Variants in SPATA20 observed in about 807,000 individuals in gnomAD.
SPATA20 encodes the protein spermatogenesis associated 20.
In SPATA20, 74 loss-of-function variants were observed where a neutral mutation model predicts 98.9. That is an observed-to-expected ratio of 0.75 (90% CI 0.62 to 0.91). The LOEUF is 0.91. SPATA20 is among the 40% of genes least tolerant of loss of function. The pLI, the probability that SPATA20 is intolerant of heterozygous loss-of-function variation, is 0.00. For synonymous variants in SPATA20, 430 were observed against 440.5 expected, an observed-to-expected ratio of 0.98 and a Z score of 0.30; for missense variants, 1,016 against 1,069.8, an observed-to-expected ratio of 0.95 and a Z score of 0.70.
chr17:50,550,877 A>C lies in SPATA20; in HGVS notation c.1343A>C (p.His448Pro). The change falls in exon 11 of 17, where the codon CAC becomes CCC. Residue 448 changes from histidine to proline, a missense_variant. Physicochemically the swap from His to Pro is moderately conservative, Grantham distance 77 (BLOSUM62 -2). Transcript: ENST00000006658. ...ACCTCAGGCCAGCTCCTCATGAAGC[A>C]CTACGGCCTCACAGAGGCTGGTAAC... ...PLTSGQLLMK[H>P]YGLTEAGNIS... 8 of 1,613,116 alleles carry C rather than the reference A, an allele frequency of 5.0e-6. No homozygotes were observed. The African/African-American group carries it at 5.3e-5, about 11-fold the overall frequency.
At position 50,550,728 on chromosome 17, in the gene SPATA20, A is replaced by G; in HGVS notation, c.1194A>G (p.Ala398=). 2 of 1,613,290 alleles carry G rather than the reference A, an allele frequency of 1.2e-6. No individual in the cohort carries two copies. The change falls in exon 11 of 17, where the codon GCA becomes GCG. Residue 398 remains alanine (A), a synonymous_variant. Coordinates refer to ENST00000006658, the MANE Select transcript of SPATA20 (RefSeq NM_022827.4). The stretch of plus-strand genomic sequence containing the variant: ...CACAGTCCGGAGGCTTCTATAGCGC[A>G]GAAGATGCAGACTCGCCCCCAGAGC... ...LSHRSGGFYS[A]EDADSPPERG... is the part of the protein sequence containing the mutation.
At chr17:50,551,242 A>G (rs565764086) in intron 12 of SPATA20, 52 bp downstream of exon 12, 2 of 1,502,586 alleles carry the variant, frequency 1.3e-6, no homozygotes, top group East Asian at 4.6e-5. Context: ...CCCTTCACAA[A>G]GCCCCTGTCT....
Position 50,550,882 on chromosome 17 carries a change from G to A in SPATA20, c.1348G>A (p.Gly450Ser), listed in dbSNP as rs759730526. The A allele has an allele frequency of 8.7e-6, 14 of 1,612,954 alleles. No individual in the cohort carries two copies. Among genetic ancestry groups the A allele is most frequent in the African/African-American group, 1.3e-5 (1 of 74,944 alleles). Residue 450 changes from glycine (G) to serine (S), a missense_variant, in exon 11 of 17, where the codon GGC becomes AGC. Gly to Ser is a moderately conservative substitution (Grantham distance 56). Transcript: ENST00000006658. ...TSGQLLMKHY[G>S]LTEAGNISPS... ...AGGCCAGCTCCTCATGAAGCACTACGGCCTCACAGAGGCTGGTAACATCAG... is the reference window on the plus strand; with the variant it reads ...AGGCCAGCTCCTCATGAAGCACTACAGCCTCACAGAGGCTGGTAACATCAG...
chr17:50,555,388 T>G (rs2035099998), intron 16 of SPATA20, 76 bp downstream of exon 16: 3 of 1,593,904 alleles, frequency 1.9e-6, no homozygotes, highest in Non-Finnish European at 8.6e-7. Flanking sequence ...CAACATCTCC[T>G]TCCCCTCAGA....
At position 50,550,047 on chromosome 17, in the gene SPATA20, G is replaced by A. The variant is rs758258250; in HGVS notation, c.925G>A (p.Ala309Thr). The A allele has an allele frequency of 6.2e-7, 1 of 1,603,448 alleles. No individual in the cohort carries two copies. The highest frequency in any genetic ancestry group is 8.5e-7 in the Non-Finnish European group (1 of 1,172,406). The change falls in exon 8 of 17, where the codon GCC becomes ACC. Residue 309 changes from alanine to threonine, a missense_variant. By Grantham distance (58) the Ala-to-Thr change is moderately conservative. Coordinates refer to ENST00000006658, the MANE Select transcript of SPATA20 (RefSeq NM_022827.4). Reference protein sequence around the residue: ...SHRLTQDGSRAQQMALHTLKM... With the variant: ...SHRLTQDGSRTQQMALHTLKM... Reference sequence around the variant, plus strand: ...TCGACTGACTCAGGATGGCTCTCGGGCCCAGCAGATGGCCTTGCATACCCT... The same window carrying A: ...TCGACTGACTCAGGATGGCTCTCGGACCCAGCAGATGGCCTTGCATACCCT...
chr17:50,549,905 G>T, intron 7 of SPATA20, 80 bp from the exon 8 acceptor site: 1 of 1,469,488 alleles, frequency 6.8e-7, no homozygotes, highest in South Asian at 1.4e-5. Context: ...GCCTCTGCCT[G>T]GCCCAAGGCC....
At position 50,551,754 on chromosome 17, in the gene SPATA20, T is replaced by A; in HGVS notation, c.1745+75T>A. On this transcript the variant is annotated intron_variant, in intron 13 of 16. Transcript: ENST00000006658. ...GCCTACCTCTGCCCTACTTCTCCCC[T>A]CCATGTGGACTCCAGTCCTGGCTCT... 4 of 1,479,372 alleles carry A rather than the reference T, an allele frequency of 2.7e-6. No individual in the cohort carries two copies. The South Asian group carries it at 5.2e-5, about 19-fold the overall frequency. 91.6% of individuals were successfully genotyped at this position (1,479,372 alleles called of 1,614,324 possible).
chr17:50,555,164 G>A, intron 15 of SPATA20, 68 bp from the exon 16 acceptor site: 1 of 1,279,184 alleles, frequency 7.8e-7, no homozygotes, highest in South Asian at 1.2e-5. Context: ...GGATGGGGAA[G>A]CCCTGGTGGT....
intron 7 of SPATA20, among the ~76,000 whole-genome samples, 198 bp from the exon 8 acceptor site, chr17:50,549,787 G>C (rs7214956): frequency 0.34 from 52,465 of 152,100 alleles, 11,435 homozygotes; most frequent in African/African-American, 0.62. Context: ...CTGGTCCTCT[G>C]TGAACCAATG....
chr17:50,549,924 AC>A, intron 7 of SPATA20, 60 bp from the exon 8 acceptor site: 2 of 1,509,082 alleles, frequency 1.3e-6, no homozygotes, highest in Admixed American at 2.2e-5. Flanking sequence ...CCTCCTGACC[AC>A]CCCGATCTCT....
intron 11 of SPATA20, 26 bp downstream of exon 11, chr17:50,550,943 G>A (rs574999328): frequency 3.5e-5 from 56 of 1,611,110 alleles, no homozygotes; most frequent in Non-Finnish European, 4.3e-5. Flanking sequence ...GTCACCTGAC[G>A]GGCCCTGGTG....
chr17:50,549,443 A>T lies in SPATA20; in HGVS notation c.818A>T (p.Glu273Val), dbSNP rs777549056. 13 of 1,612,418 alleles carry T rather than the reference A, an allele frequency of 8.1e-6. No individual in the cohort carries two copies. The highest frequency in any genetic ancestry group is 1.3e-5 in the African/African-American group (1 of 74,886). ...CFQQLDEGYD[E>V]EYGGFAEAPK... ...CAGCAGCTGGATGAGGGCTATGATGAGGAATACGGTGGCTTCGCTGAGGCC... is the reference window on the plus strand; with the variant it reads ...CAGCAGCTGGATGAGGGCTATGATGTGGAATACGGTGGCTTCGCTGAGGCC... The change falls in exon 7 of 17, where the codon GAG (glutamate) becomes GTG (valine). Residue 273 changes from glutamate to valine, a missense_variant. Physicochemically the swap from Glu to Val is moderately radical, Grantham distance 121 (BLOSUM62 -2). Coordinates refer to ENST00000006658, the MANE Select transcript of SPATA20 (RefSeq NM_022827.4).
Position 50,550,607 on chromosome 17 carries a change from C to T in SPATA20, c.1170C>T (p.His390=), listed in dbSNP as rs986657905. Residue 390 remains histidine, a synonymous_variant, in exon 10 of 17, where the codon CAC becomes CAT. Transcript: ENST00000006658. ...ILQYVARSLS[H]RSGGFYSAED... ...AGTACGTGGCTCGGAGCCTGAGCCA[C>T]CGGGTGTGTGTCCATGGTGGCAGGC... is the stretch of plus-strand genomic sequence containing the variant. 1.2e-6 allele frequency: 2 copies of T among 1,614,058 alleles called. No homozygotes were observed. Among genetic ancestry groups the T allele is most frequent in the Non-Finnish European group, 1.7e-6 (2 of 1,180,018 alleles).
At chr17:50,550,973 C>T (rs770847509) in intron 11 of SPATA20, 25 bp from the exon 12 acceptor site, 39 of 1,612,126 alleles carry the variant, frequency 2.4e-5, no homozygotes, top group Admixed American at 8.3e-5. Context: ...CGTGTGAGCT[C>T]GCAGACAAAG....
rs201592753 is a variant in SPATA20, at chr17:50,550,500, C to T, written c.1099-36C>T. On this transcript the variant is annotated intron_variant, in intron 9 of 16. Coordinates refer to ENST00000006658, the MANE Select transcript of SPATA20 (RefSeq NM_022827.4). Reference sequence around the variant, plus strand: ...CTTCCACCTGGGCCTCCCCAGTGACCTCTCTGTTCACAGTCTCCTTTCTTC... The same window carrying T: ...CTTCCACCTGGGCCTCCCCAGTGACTTCTCTGTTCACAGTCTCCTTTCTTC... The T allele has an allele frequency of 1.4e-5, 13 of 903,124 alleles. No homozygotes were observed. In the Admixed American group the frequency reaches 2.0e-4, roughly 14 times the overall value. 55.9% of individuals were successfully genotyped at this position (903,124 alleles called of 1,614,324 possible). A position where few individuals can be genotyped will look rare whatever the true frequency, so the allele number is the denominator to read the frequency against.
intron 9 of SPATA20, 51 bp downstream of exon 9, chr17:50,550,363 T>C (rs915596004): frequency 2.0e-5 from 29 of 1,451,960 alleles, no homozygotes; most frequent in Admixed American, 3.6e-5. Context: ...TGGCTGCCCC[T>C]CCCAAGGCCT....
At chr17:50,554,900 TGTGTGTGTGTGTGTGTGTGTG>T (rs1419463850) in intron 15 of SPATA20, among the ~76,000 whole-genome samples, 2 of 61,868 alleles carry the variant, frequency 3.2e-5, no homozygotes, top group East Asian at 4.8e-4. Flanking sequence ...TGTGTGTGTG[TGTGTGTGTGTGTGTGTGTGTG>T]TGTGTGTGAC....
At position 50,551,212 on chromosome 17, in the gene SPATA20, C is replaced by G. The variant is rs777898429; in HGVS notation, c.1576+22C>G. 3.8e-6 allele frequency: 6 copies of G among 1,590,032 alleles called. No homozygotes were observed. In the East Asian group the frequency reaches 9.0e-5, roughly 24 times the overall value. ...AATGGTGGGGCAGCACACCTGAGAC[C>G]GAGCCTGTCTGTAGGATCCCCCTTC... On this transcript the variant is annotated intron_variant, in intron 12 of 16. Transcript: ENST00000006658.
In SPATA20 at chr17:50,549,607, C is replaced by T. The variant is rs2034977593; in HGVS notation, c.862+120C>T. On this transcript the variant is annotated intron_variant, in intron 7 of 16. Transcript: ENST00000006658. The stretch of plus-strand genomic sequence containing the variant: ...CTGTCCTCCTGACTGGCAGTGACCT[C>T]CTTGCCCCTAGCCTGTCGGTAGCTA... The T allele has an allele frequency of 2.9e-5, 30 of 1,041,378 alleles. 2 individuals are homozygous for T. The South Asian group carries it at 4.6e-4, about 16-fold the overall frequency. The allele number at this position is 1,041,378 out of a possible 1,614,324, so 64.5% of individuals were successfully genotyped here.
Sources: allele counts gnomAD v4.1 joint callset (sites outside exome capture counted in the v4.1 genomes callset), GRCh38; gene constraint gnomAD v4.1.1; transcripts MANE v1.5; gene names NCBI Gene and HGNC (gene_info 2026-07-23, HGNC 2026-07-21).